The following SEMA3A variants were observed in gnomAD, a reference collection of about 807,000 sequenced individuals.
The protein encoded by SEMA3A is semaphorin 3A.
In SEMA3A, 29 loss-of-function variants were observed where a neutral mutation model predicts 97.9. That is an observed-to-expected ratio of 0.30 (90% CI 0.22 to 0.40). SEMA3A has a LOEUF of 0.40. Among genes scored for constraint, SEMA3A ranks in the 10% least tolerant of loss-of-function variants. SEMA3A has a pLI of 1.00. For synonymous variants in SEMA3A, 321 were observed against 323.7 expected, an observed-to-expected ratio of 0.99 and a Z score of 0.09; for missense variants, 763 against 951.3, an observed-to-expected ratio of 0.80 and a Z score of 2.60.
intron 2 of SEMA3A, among the ~76,000 whole-genome samples, chr7:84,350,748 C>A (rs182708367): frequency 1.7e-3 from 262 of 152,274 alleles, no homozygotes; most frequent in African/African-American, 6.0e-3. Flanking sequence ...ACTGTCTCAA[C>A]AAACATCTAA....
At chr7:84,242,673 T>G (rs1475240203) in intron 3 of SEMA3A, among the ~76,000 whole-genome samples, 3 of 152,162 alleles carry the variant, frequency 2.0e-5, no homozygotes, top group African/African-American at 7.2e-5. Flanking sequence ...AGTACTATGT[T>G]GAATAGGAGT....
chr7:84,408,262 C>A (rs375468730), intron 1 of SEMA3A, among the ~76,000 whole-genome samples: 1 of 152,176 alleles, frequency 6.6e-6, no homozygotes, highest in East Asian at 1.9e-4. Context: ...CAAAAGAAGA[C>A]ATTTATGCAG....
rs545611413 is a variant in SEMA3A at position 84,265,216 on chromosome 7, C to T, written c.-83+41991G>A. 2.0e-5 allele frequency among the ~76,000 whole-genome samples: 3 copies of T among 152,142 alleles called. No homozygotes were observed. The East Asian group carries it at 5.8e-4, about 29-fold the overall frequency. On this transcript the variant is annotated intron_variant, in intron 3 of 3. Transcript: ENST00000424555. ...ATTTCATTCCAAAGCCTGTGAACTT[C>T]TAAGCTATTACTTTTGATTTAGCTT...
At chr7:84,394,820 T>A (rs1270829427) in intron 1 of SEMA3A, among the ~76,000 whole-genome samples, 1 of 152,142 alleles carries the variant, frequency 6.6e-6, no homozygotes, top group African/African-American at 2.4e-5. Flanking sequence ...ACATAAAATG[T>A]AACAAATATA....
intron 3 of SEMA3A, among the ~76,000 whole-genome samples, chr7:84,117,641 CTAAT>C (rs1795474924): frequency 6.6e-6 from 1 of 152,164 alleles, no homozygotes; most frequent in Non-Finnish European, 1.5e-5. Flanking sequence ...TTGTGAGAAT[CTAAT>C]TAATATCTGA....
intron 3 of SEMA3A, among the ~76,000 whole-genome samples, chr7:84,305,403 A>G (rs1801129676): frequency 1.3e-5 from 2 of 152,018 alleles, no homozygotes; most frequent in Admixed American, 6.6e-5. Context: ...TAGTTCAATT[A>G]GATGCAATAT....
In SEMA3A at chr7:83,958,736, A is replaced by G. The variant is rs1788358485; in HGVS notation, c.*2635T>C. The G allele has an allele frequency of 6.6e-6, 1 of 152,518 alleles. No homozygotes were observed. The highest frequency in any genetic ancestry group is 2.1e-4 in the South Asian group (1 of 4,830). 9.4% of individuals were successfully genotyped at this position (152,518 alleles called of 1,614,324 possible). On this transcript the variant is annotated 3_prime_UTR_variant, in exon 17 of 17. Transcript: ENST00000265362. ...AACACATACCACTGCAAATTACTAA[A>G]TAATACATAAAATGAAGTGTGCATT... is the stretch of plus-strand genomic sequence containing the variant.
At chr7:84,213,028 A>G (rs1300338775) in intron 3 of SEMA3A, among the ~76,000 whole-genome samples, 1 of 152,074 alleles carries the variant, frequency 6.6e-6, no homozygotes, top group African/African-American at 2.4e-5. Context: ...CAATGGCTCT[A>G]TCTTGGCTCA....
intron 12 of SEMA3A, among the ~76,000 whole-genome samples, chr7:83,997,926 C>CG (rs1178187926): frequency 6.6e-6 from 1 of 151,712 alleles, no homozygotes; most frequent in African/African-American, 2.4e-5. Flanking sequence ...TTAGTAGAGA[C>CG]GGGGTTTCAC....
At chr7:84,110,830 C>T (rs1367427058) in intron 3 of SEMA3A, among the ~76,000 whole-genome samples, 1 of 151,992 alleles carries the variant, frequency 6.6e-6, no homozygotes, top group African/African-American at 2.4e-5. Flanking sequence ...GCCCTTCCGT[C>T]AGTCTTCCAT....
At chr7:84,081,674 G>A (rs1391324657) in intron 4 of SEMA3A, among the ~76,000 whole-genome samples, 1 of 150,468 alleles carries the variant, frequency 6.6e-6, no homozygotes, top group African/African-American at 2.4e-5. Flanking sequence ...ATCATAGTCA[G>A]TCTCTAAAAA....
chr7:84,011,437 G>C (rs1790868123), intron 7 of SEMA3A, 140 bp from the exon 8 acceptor site: 1 of 638,114 alleles, frequency 1.6e-6, no homozygotes, highest in Admixed American at 2.9e-5. Flanking sequence ...TAAATGACCA[G>C]ATATAGGTAA....
intron 2 of SEMA3A, among the ~76,000 whole-genome samples, chr7:84,348,003 CATT>C (rs1008718444): frequency 6.6e-6 from 1 of 152,076 alleles, no homozygotes; most frequent in African/African-American, 2.4e-5. Context: ...ATGTTTAAAA[CATT>C]AATGAGAGTG....
intron 4 of SEMA3A, among the ~76,000 whole-genome samples, chr7:84,089,902 T>C (rs1010984285): frequency 2.6e-5 from 4 of 152,024 alleles, no homozygotes; most frequent in African/African-American, 9.7e-5. Context: ...GTAAACTTGA[T>C]ACATTTAATA....
At chr7:84,300,398 A>G (rs971907582) in intron 3 of SEMA3A, among the ~76,000 whole-genome samples, 2 of 152,134 alleles carry the variant, frequency 1.3e-5, no homozygotes, top group African/African-American at 2.4e-5. Context: ...AGCAAATCCC[A>G]AAAGGCATAA....
intron 1 of SEMA3A, among the ~76,000 whole-genome samples, chr7:84,473,641 G>A (rs1263356682): frequency 1.3e-5 from 2 of 151,716 alleles, no homozygotes; most frequent in Non-Finnish European, 2.9e-5. Flanking sequence ...CACCCTCCTC[G>A]GCCTCCCAAA....
chr7:84,058,770 C>A (rs1028387403), intron 5 of SEMA3A, among the ~76,000 whole-genome samples: 2 of 152,238 alleles, frequency 1.3e-5, no homozygotes, highest in East Asian at 1.9e-4. Context: ...TCTTTCTAGC[C>A]ACGTCCTCTT....
chr7:84,002,328 C>T (rs1790492155), intron 11 of SEMA3A, among the ~76,000 whole-genome samples: 1 of 152,160 alleles, frequency 6.6e-6, no homozygotes. Flanking sequence ...AGACTGCATA[C>T]ATTTTTTAAA....
At chr7:84,298,849 G>A (rs1020976043) in intron 3 of SEMA3A, among the ~76,000 whole-genome samples, 1 of 152,132 alleles carries the variant, frequency 6.6e-6, no homozygotes, top group African/African-American at 2.4e-5. Flanking sequence ...TCCTCAACCT[G>A]GGTGGGCACC....
Sources: allele counts gnomAD v4.1 joint callset (sites outside exome capture counted in the v4.1 genomes callset), GRCh38; gene constraint gnomAD v4.1.1; transcripts MANE v1.5; gene names NCBI Gene and HGNC (gene_info 2026-07-23, HGNC 2026-07-21).